The following SH3PXD2A variants were observed in gnomAD, a reference collection of about 807,000 sequenced individuals.
SH3PXD2A encodes SH3 and PX domains 2A, also known as SH3 and PX domain-containing protein 2A.
SH3PXD2A carries 32 observed loss-of-function variants against 115.2 expected under a neutral mutation model. The ratio of observed to expected loss-of-function variants is 0.28; its 90% confidence interval spans 0.21 to 0.37. The LOEUF (loss-of-function observed/expected upper bound fraction) is 0.37, where lower values mean the gene tolerates loss of function less well. SH3PXD2A is among the 10% of genes least tolerant of loss of function. The pLI, the probability that SH3PXD2A is intolerant of heterozygous loss-of-function variation, is 1.00. For synonymous variants in SH3PXD2A, 610 were observed against 629.1 expected, an observed-to-expected ratio of 0.97 and a Z score of 0.45; for missense variants, 1,328 against 1,498.7, an observed-to-expected ratio of 0.89 and a Z score of 1.88.
At chr10:103,792,796 C>A (rs779701153) in intron 2 of SH3PXD2A, among the ~76,000 whole-genome samples, 5 of 152,146 alleles carry the variant, frequency 3.3e-5, no homozygotes, top group African/African-American at 4.8e-5. Context: ...ATGTAGTTTG[C>A]AGATTTTGAG....
chr10:103,688,276 T>G (rs2037705050), intron 6 of SH3PXD2A, among the ~76,000 whole-genome samples: 1 of 152,246 alleles, frequency 6.6e-6, no homozygotes, highest in Admixed American at 6.5e-5. Flanking sequence ...CTTTCTTTCC[T>G]GAGCCTGCAC....
intron 10 of SH3PXD2A, among the ~76,000 whole-genome samples, chr10:103,622,108 AG>A (rs1356073896): frequency 6.6e-6 from 1 of 152,160 alleles, no homozygotes. Flanking sequence ...GCCCCAGCAG[AG>A]GGCTAGACAC....
chr10:103,693,203 G>T, intron 5 of SH3PXD2A, 147 bp from the exon 6 acceptor site: 1 of 266,450 alleles, frequency 3.8e-6, no homozygotes, highest in Non-Finnish European at 6.6e-6. Context: ...CGCGCGCTCC[G>T]CAGCCGCACG....
rs969612943 is a variant in SH3PXD2A at position 103,756,177 on chromosome 10, C to T, written c.229+10917G>A. Reference sequence around the variant, plus strand: ...GAGGAGGTATTTTCAGCGCCCAGAACGATGGATCTGCTGGGTGCCAGGCAG... The same window carrying T: ...GAGGAGGTATTTTCAGCGCCCAGAATGATGGATCTGCTGGGTGCCAGGCAG... On this transcript the variant is annotated intron_variant, in intron 3 of 14. Coordinates refer to ENST00000369774, the MANE Select transcript of SH3PXD2A (RefSeq NM_001394015.1). This position sits in a 1 kb window ranked among gnomAD's most constrained non-coding sequence, Gnocchi z 4.4. Among the ~76,000 whole-genome samples, 4 of 152,150 alleles carry T rather than the reference C, an allele frequency of 2.6e-5. No homozygotes were observed. Among genetic ancestry groups the T allele is most frequent in the African/African-American group, 4.8e-5 (2 of 41,422 alleles).
chr10:103,825,434 T>C (rs2134295984), intron 1 of SH3PXD2A, among the ~76,000 whole-genome samples: 1 of 152,204 alleles, frequency 6.6e-6, no homozygotes, highest in South Asian at 2.1e-4. Context: ...TTGCAAGAGG[T>C]GGGTGTTTTA....
At position 103,752,586 on chromosome 10, in the gene SH3PXD2A, C is replaced by G. The variant is rs114955305; in HGVS notation, c.229+14508G>C. On this transcript the variant is annotated intron_variant, in intron 3 of 14. Coordinates refer to ENST00000369774, the MANE Select transcript of SH3PXD2A (RefSeq NM_001394015.1). Reference sequence around the variant, plus strand: ...AAGAAACCGGACAGCAAAGCAGACCCCAGGCCCAGAGTTCCTCCCTCACCA... The same window carrying G: ...AAGAAACCGGACAGCAAAGCAGACCGCAGGCCCAGAGTTCCTCCCTCACCA... Among the ~76,000 whole-genome samples, 370 of 152,260 alleles carry G rather than the reference C, an allele frequency of 2.4e-3. 2 individuals are homozygous for G. Among genetic ancestry groups the G allele is most frequent in the African/African-American group, 7.2e-3 (301 of 41,542 alleles).
chr10:103,836,354 C>T (rs1397183265), intron 1 of SH3PXD2A, among the ~76,000 whole-genome samples: 3 of 151,540 alleles, frequency 2.0e-5, no homozygotes, highest in Non-Finnish European at 4.4e-5. Flanking sequence ...ACTGCACTCA[C>T]AGCTACACAC....
At position 103,767,810 on chromosome 10, in the gene SH3PXD2A, G is replaced by GTTTTTTTTTTTT. The variant is rs34903223; in HGVS notation, c.154-653_154-642dup. ...AGGGTTCTGGAGGAACAACTGTTTT[G>GTTTTTTTTTTTT]TTTTTTTTTTTTTTTTTTTTTTTTG... On this transcript the variant is annotated intron_variant, in intron 2 of 14. Coordinates refer to ENST00000369774, the MANE Select transcript of SH3PXD2A (RefSeq NM_001394015.1). Among the ~76,000 whole-genome samples, 15 of 67,732 alleles carry GTTTTTTTTTTTT rather than the reference G, an allele frequency of 2.2e-4. 2 individuals are homozygous for GTTTTTTTTTTTT. The highest frequency in any genetic ancestry group is 4.7e-4 in the Admixed American group (3 of 6,322). The allele number at this position is 67,732 out of a possible 152,430, so 44.4% of individuals were successfully genotyped here.
At chr10:103,688,520 C>A (rs977467292) in intron 6 of SH3PXD2A, among the ~76,000 whole-genome samples, 8 of 152,126 alleles carry the variant, frequency 5.3e-5, no homozygotes, top group African/African-American at 1.7e-4. Context: ...GGCAGCTTCG[C>A]TAAGAAGGTG....
At chr10:103,624,815 G>A (rs1384043396) in intron 9 of SH3PXD2A, among the ~76,000 whole-genome samples, 4 of 152,132 alleles carry the variant, frequency 2.6e-5, no homozygotes, top group African/African-American at 9.7e-5. Context: ...AGAGACTAGC[G>A]GACACACCAC....
chr10:103,810,952 G>GCGCACACA (rs549107444), intron 1 of SH3PXD2A, among the ~76,000 whole-genome samples: 7 of 19,958 alleles, frequency 3.5e-4, no homozygotes, highest in Non-Finnish European at 1.1e-3. Context: ...GCGCGCGCGC[G>GCGCACACA]CACACACACA....
chr10:103,835,571 T>G (rs1347695306), intron 1 of SH3PXD2A, among the ~76,000 whole-genome samples: 2 of 152,196 alleles, frequency 1.3e-5, no homozygotes, highest in Non-Finnish European at 2.9e-5. Context: ...GTATGAAAAC[T>G]AGACATAAAG....
chr10:103,690,556 T>G (rs918618256), intron 6 of SH3PXD2A, among the ~76,000 whole-genome samples: 14 of 152,222 alleles, frequency 9.2e-5, no homozygotes, highest in African/African-American at 3.4e-4. Context: ...TCAGTCTTTG[T>G]TCCATTAAGA....
intron 2 of SH3PXD2A, among the ~76,000 whole-genome samples, chr10:103,783,071 T>C (rs2038947684): frequency 6.6e-6 from 1 of 152,050 alleles, no homozygotes; most frequent in African/African-American, 2.4e-5. Context: ...GTGGCAGCAC[T>C]GCGCTTGGTG....
At chr10:103,686,848 A>G (rs749547509) in intron 6 of SH3PXD2A, among the ~76,000 whole-genome samples, 1 of 150,910 alleles carries the variant, frequency 6.6e-6, no homozygotes, top group Non-Finnish European at 1.5e-5. Context: ...CCTGGGTTCA[A>G]GATTCTCCCT....
intron 1 of SH3PXD2A, among the ~76,000 whole-genome samples, chr10:103,841,178 A>G (rs558955800): frequency 1.1e-4 from 17 of 152,130 alleles, no homozygotes; most frequent in Admixed American, 2.6e-4. Context: ...TTGTCCAGGG[A>G]TTTATCACAC....
At chr10:103,793,280 T>C (rs79027284) in intron 2 of SH3PXD2A, among the ~76,000 whole-genome samples, 6,769 of 152,336 alleles carry the variant, frequency 0.044, 178 homozygotes, top group South Asian at 0.096. Flanking sequence ...AAAAAACATT[T>C]ACATTCATAT....
intron 12 of SH3PXD2A, among the ~76,000 whole-genome samples, chr10:103,611,847 A>G (rs1293411289): frequency 2.0e-5 from 3 of 152,122 alleles, no homozygotes; most frequent in African/African-American, 7.2e-5. Flanking sequence ...CTTCCAGGGG[A>G]TCTATGAACA....
intron 7 of SH3PXD2A, among the ~76,000 whole-genome samples, chr10:103,664,067 G>A (rs1225102616): frequency 1.3e-5 from 2 of 152,186 alleles, no homozygotes; most frequent in South Asian, 2.1e-4. Context: ...CTGCGCTGAC[G>A]GACTACCTCC....
Sources: gnomAD v4.1 joint callset for allele counts (sites outside exome capture counted in the v4.1 genomes callset) on GRCh38, gnomAD v4.1.1 for gene constraint, Gnocchi (gnomAD v3.1) non-coding constraint, MANE v1.5 for transcripts, NCBI Gene and HGNC (gene_info 2026-07-23, HGNC 2026-07-21) for gene names.